LCK: variants seen among roughly 807,000 people sequenced by gnomAD.
The protein encoded by LCK is LCK proto-oncogene, Src family tyrosine kinase.
Under a neutral mutation model 64.6 loss-of-function variants are expected in LCK, and 14 were observed. That is an observed-to-expected ratio of 0.22 (90% CI 0.14 to 0.34). The LOEUF (loss-of-function observed/expected upper bound fraction) is 0.34, where lower values mean the gene tolerates loss of function less well. Among genes scored for constraint, LCK ranks in the 10% least tolerant of loss-of-function variants. The probability of loss-of-function intolerance (pLI) is 1.00; values close to 1 mark genes in which losing one functional copy is unlikely to be tolerated. For synonymous variants in LCK, 277 were observed against 263.6 expected (o/e 1.05, Z -0.49); for missense variants, 434 against 668.1 (o/e 0.65, Z 3.86).
rs1324100102 is a variant in LCK, at chr1:32,286,052, A to G, written c.*336A>G. On this transcript the variant is annotated 3_prime_UTR_variant, in exon 13 of 13. Coordinates refer to ENST00000336890, the MANE Select transcript of LCK (RefSeq NM_005356.5). ...CCACCTACTTTTCTTTCCTCAGATC[A>G]TCCAGAAGTTCCTCAAGGGCCAGGA... The G allele has an allele frequency of 2.5e-6, 1 of 396,556 alleles. No individual in the cohort carries two copies. Among genetic ancestry groups the G allele is most frequent in the Non-Finnish European group, 4.7e-6 (1 of 213,870 alleles). The allele number at this position is 396,556 out of a possible 1,614,324, so 24.6% of individuals were successfully genotyped here. A position where few individuals can be genotyped will look rare whatever the true frequency, so the allele number is the denominator to read the frequency against.
Position 32,275,461 on chromosome 1 carries a change from AG to A in LCK, c.377+45del, listed in dbSNP as rs755732768. On this transcript the variant is annotated intron_variant, in intron 5 of 12. Transcript: ENST00000336890. This position sits in a 1 kb window ranked among gnomAD's most constrained non-coding sequence, Gnocchi z 6.9. ...CGTGGGGGTGGGTAGGAGCAGATCT[AG>A]GGATCCTGGAGCAGGGAGTAGGCCT... The A allele has an allele frequency of 2.6e-5, 41 of 1,601,294 alleles. No homozygotes were observed. Among genetic ancestry groups the A allele is most frequent in the Non-Finnish European group, 3.4e-5 (40 of 1,170,094 alleles).
chr1:32,272,651 G>A lies in LCK; in HGVS notation c.-5-1674G>A, dbSNP rs553191663. 2.1e-4 allele frequency among the ~76,000 whole-genome samples: 27 copies of A among 130,628 alleles called. No individual in the cohort carries two copies. In the East Asian group the frequency reaches 3.5e-3, roughly 17 times the overall value. 85.7% of individuals were successfully genotyped at this position (130,628 alleles called of 152,430 possible). ...AGAGAGAGAGAGAGAGAGAGAGAGC[G>A]AGAGAGCGCACGCATTTCAAAGCAG... On this transcript the variant is annotated intron_variant, in intron 1 of 12. Coordinates refer to ENST00000336890, the MANE Select transcript of LCK (RefSeq NM_005356.5).
intron 12 of LCK, among the ~76,000 whole-genome samples, chr1:32,284,969 T>TG (rs1370358663): frequency 5.3e-5 from 8 of 152,172 alleles, no homozygotes; most frequent in Non-Finnish European, 1.2e-4. Flanking sequence ...CACTCCAGCC[T>TG]GGGCAACATA....
At chr1:32,252,251 C>T (rs1348156637) in intron 1 of LCK, among the ~76,000 whole-genome samples, 1 of 152,124 alleles carries the variant, frequency 6.6e-6, no homozygotes, top group Non-Finnish European at 1.5e-5. Flanking sequence ...AGCAGGATGT[C>T]CTCCCCTCGC....
At chr1:32,252,774 C>T (rs1639539769) in intron 1 of LCK, among the ~76,000 whole-genome samples, 1 of 152,212 alleles carries the variant, frequency 6.6e-6, no homozygotes, top group Non-Finnish European at 1.5e-5. Flanking sequence ...GAAGGTGTCT[C>T]TTAAGATCTG....
intron 1 of LCK, among the ~76,000 whole-genome samples, chr1:32,272,177 A>G (rs906048112): frequency 3.3e-5 from 5 of 151,664 alleles, no homozygotes; most frequent in Non-Finnish European, 1.5e-5. Context: ...CCAACTACTC[A>G]GGAGGCCGAG....
At chr1:32,280,695 T>A (rs574668128) in intron 12 of LCK, among the ~76,000 whole-genome samples, 1 of 152,078 alleles carries the variant, frequency 6.6e-6, no homozygotes, top group Non-Finnish European at 1.5e-5. Context: ...GACCTCGTGA[T>A]TGGCCTGCCT....
At chr1:32,253,806 A>G (rs1297109459) in intron 1 of LCK, among the ~76,000 whole-genome samples, 1 of 152,044 alleles carries the variant, frequency 6.6e-6, no homozygotes, top group Non-Finnish European at 1.5e-5. Flanking sequence ...GAGCGGGGCC[A>G]TGGGATCTAC....
chr1:32,254,012 A>G (rs1258695368), intron 1 of LCK, among the ~76,000 whole-genome samples: 1 of 152,168 alleles, frequency 6.6e-6, no homozygotes. Flanking sequence ...CTTCAAGGCC[A>G]AGCTCAATTC....
intron 1 of LCK, among the ~76,000 whole-genome samples, chr1:32,270,692 C>CA (rs1640056273): frequency 2.1e-5 from 2 of 96,794 alleles, no homozygotes; most frequent in South Asian, 3.2e-4. Flanking sequence ...CGTGCCCGGA[C>CA]TTTTTTTTTT....
At chr1:32,274,668 G>A (rs933922243) in intron 2 of LCK, 69 bp from the exon 3 acceptor site, 9 of 1,291,810 alleles carry the variant, frequency 7.0e-6, no homozygotes, top group Middle Eastern at 2.2e-4. Flanking sequence ...AGCAGAGCAG[G>A]GGGGAAGGGG....
chr1:32,271,689 T>C (rs541858512), intron 1 of LCK, among the ~76,000 whole-genome samples: 6 of 152,216 alleles, frequency 3.9e-5, no homozygotes, highest in Non-Finnish European at 7.4e-5. Flanking sequence ...AATAATAAAA[T>C]TGGAGATTAG....
intron 1 of LCK, among the ~76,000 whole-genome samples, chr1:32,272,630 AGAGAGAGAGAGAGAGAGAGC>A (rs1640117000): frequency 6.8e-6 from 1 of 146,292 alleles, no homozygotes; most frequent in African/African-American, 2.7e-5. Flanking sequence ...AGAAAGAGAG[AGAGAGAGAGAGAGAGAGAGC>A]GAGAGAGCGC....
rs1208648013 is a variant in LCK at position 32,280,171 on chromosome 1, C to T, written c.1288C>T (p.Leu430=). Residue 430 remains leucine (L), a synonymous_variant, in exon 12 of 13, where the codon CTG becomes TTG. Transcript: ENST00000336890. ...KSDVWSFGIL[L]TEIVTHGRIP... ...AGATGTGTGGTCTTTTGGGATCCTG[C>T]TGACGGAAATTGTCACCCACGGCCG... The T allele has an allele frequency of 4.3e-6, 7 of 1,614,128 alleles. No individual in the cohort carries two copies. In the South Asian group the frequency reaches 7.7e-5, roughly 18 times the overall value.
In LCK at chr1:32,276,190, A is replaced by T. The variant is rs1478687652; in HGVS notation, c.631+127A>T. Reference sequence around the variant, plus strand: ...CGCAGTGGGTGAGGTGTGGAACCTGACCCTACGGCCCCAAGTGTTTGGGTG... The same window carrying T: ...CGCAGTGGGTGAGGTGTGGAACCTGTCCCTACGGCCCCAAGTGTTTGGGTG... On this transcript the variant is annotated intron_variant, in intron 7 of 12. Transcript: ENST00000336890. The surrounding 1 kb of genome is among the most constrained non-coding windows in gnomAD (Gnocchi z 4.6). 1 of 1,451,408 alleles carries T rather than the reference A, an allele frequency of 6.9e-7. No homozygotes were observed. 89.9% of individuals were successfully genotyped at this position (1,451,408 alleles called of 1,614,324 possible).
At chr1:32,270,453 G>A (rs1453993290) in intron 1 of LCK, among the ~76,000 whole-genome samples, 3 of 151,660 alleles carry the variant, frequency 2.0e-5, no homozygotes, top group Admixed American at 6.6e-5. Context: ...GGAGTGCAGT[G>A]GCTTGATCTC....
At position 32,266,137 on chromosome 1, in the gene LCK, T is replaced by G. The variant is rs1285884340; in HGVS notation, c.-5-8188T>G. Among the ~76,000 whole-genome samples the G allele has an allele frequency of 2.6e-5, 4 of 152,150 alleles. No homozygotes were observed. In the East Asian group the frequency reaches 7.7e-4, roughly 29 times the overall value. ...ACCATGCCCTGCTAATTTTCAGATT[T>G]TTTTTGTAGAGATAAGGTCTCACTG... On this transcript the variant is annotated intron_variant, in intron 1 of 12. Coordinates refer to ENST00000336890, the MANE Select transcript of LCK (RefSeq NM_005356.5).
At chr1:32,261,475 G>C (rs1434451077) in intron 1 of LCK, among the ~76,000 whole-genome samples, 1 of 150,956 alleles carries the variant, frequency 6.6e-6, no homozygotes. Flanking sequence ...GTGAAACCCC[G>C]TCTCTACTAA....
rs1484653522 is a variant in LCK, at chr1:32,274,651, G to A, written c.106-86G>A. The A allele has an allele frequency of 5.2e-6, 6 of 1,157,510 alleles. No homozygotes were observed. In the Admixed American group the frequency reaches 1.1e-4, roughly 22 times the overall value. The allele number at this position is 1,157,510 out of a possible 1,614,324, so 71.7% of individuals were successfully genotyped here. A position where few individuals can be genotyped will look rare whatever the true frequency, so the allele number is the denominator to read the frequency against. ...GGATAACATCTAACCAGGCTGGAGA[G>A]GCTGAGAGCAGAGCAGGGGGGAAGG... On this transcript the variant is annotated intron_variant, in intron 2 of 12. Coordinates refer to ENST00000336890, the MANE Select transcript of LCK (RefSeq NM_005356.5).
Sources: allele counts gnomAD v4.1 joint callset (sites outside exome capture counted in the v4.1 genomes callset), GRCh38; gene constraint gnomAD v4.1.1; non-coding constraint Gnocchi (gnomAD v3.1); transcripts MANE v1.5; gene names NCBI Gene and HGNC (gene_info 2026-07-23, HGNC 2026-07-21).